KCNJ3: variants seen among roughly 807,000 people sequenced by gnomAD.
KCNJ3 encodes the protein potassium inwardly rectifying channel subfamily J member 3.
In KCNJ3, 4 loss-of-function variants were observed where a neutral mutation model predicts 39.2. That is an observed-to-expected ratio of 0.10 (90% CI 0.05 to 0.23). KCNJ3 has a LOEUF of 0.23. Among genes scored for constraint, KCNJ3 ranks in the 10% least tolerant of loss-of-function variants. The pLI is 1.00. For missense variants in KCNJ3, 276 were observed against 634.9 expected (o/e 0.43, Z 6.08); for synonymous variants, 230 against 237.4 (o/e 0.97, Z 0.29).
intron 2 of KCNJ3, among the ~76,000 whole-genome samples, chr2:154,754,606 T>C (rs1156306140): frequency 1.3e-5 from 2 of 152,202 alleles, no homozygotes; most frequent in African/African-American, 4.8e-5. Context: ...CTTCAATATA[T>C]GGCATAATAT....
chr2:154,781,995 C>A (rs1441405774), intron 2 of KCNJ3, among the ~76,000 whole-genome samples: 1 of 152,102 alleles, frequency 6.6e-6, no homozygotes, highest in East Asian at 1.9e-4. Context: ...ATAAATAATT[C>A]TTTGGACTTT....
At chr2:154,743,134 C>T (rs1218155896) in intron 2 of KCNJ3, among the ~76,000 whole-genome samples, 1 of 151,844 alleles carries the variant, frequency 6.6e-6, no homozygotes, top group Non-Finnish European at 1.5e-5. Flanking sequence ...TCCTTTCCCT[C>T]ATTAAATGGT....
intron 2 of KCNJ3, among the ~76,000 whole-genome samples, chr2:154,752,075 A>G (rs902287753): frequency 6.6e-6 from 1 of 152,070 alleles, no homozygotes; most frequent in Admixed American, 6.6e-5. Flanking sequence ...ATTAAAGGCA[A>G]TGTAACTTCC....
At chr2:154,797,010 G>A (rs377456119) in intron 2 of KCNJ3, among the ~76,000 whole-genome samples, 2 of 152,142 alleles carry the variant, frequency 1.3e-5, no homozygotes, top group African/African-American at 2.4e-5. Flanking sequence ...AATGTCTAGC[G>A]AAATGCTCAC....
intron 2 of KCNJ3, among the ~76,000 whole-genome samples, chr2:154,803,224 A>C (rs957529857): frequency 7.2e-5 from 11 of 152,026 alleles, no homozygotes; most frequent in African/African-American, 2.4e-4. Context: ...TGTAATACTC[A>C]AGAAGCCAAA....
intron 2 of KCNJ3, among the ~76,000 whole-genome samples, chr2:154,749,724 G>T (rs760286862): frequency 6.6e-6 from 1 of 151,996 alleles, no homozygotes. Context: ...TGAGGGAGTC[G>T]TAGTGAGTGC....
At chr2:154,707,244 G>A (rs975385326) in intron 1 of KCNJ3, among the ~76,000 whole-genome samples, 2 of 151,630 alleles carry the variant, frequency 1.3e-5, no homozygotes, top group Non-Finnish European at 2.9e-5. Context: ...TTTGAGGTGG[G>A]AGGGTGGGGT....
chr2:154,852,180 A>C (rs1257319726), intron 2 of KCNJ3, among the ~76,000 whole-genome samples: 1 of 152,216 alleles, frequency 6.6e-6, no homozygotes, highest in African/African-American at 2.4e-5. Context: ...TCTGCCTGAC[A>C]TCAATTTTCA....
chr2:154,848,129 G>A (rs924218342), intron 2 of KCNJ3, among the ~76,000 whole-genome samples: 1 of 152,026 alleles, frequency 6.6e-6, no homozygotes, highest in African/African-American at 2.4e-5. Context: ...ATATATATTT[G>A]TACAAATAAT....
intron 2 of KCNJ3, among the ~76,000 whole-genome samples, chr2:154,720,611 ACT>A (rs1685251069): frequency 6.6e-6 from 1 of 151,878 alleles, no homozygotes; most frequent in South Asian, 2.1e-4. Flanking sequence ...TGTAGTACCG[ACT>A]CTGTGCTATA....
intron 2 of KCNJ3, among the ~76,000 whole-genome samples, chr2:154,790,486 A>G (rs1201414105): frequency 6.6e-6 from 1 of 152,110 alleles, no homozygotes; most frequent in East Asian, 1.9e-4. Flanking sequence ...GAGGCTTCCC[A>G]AAAGAATGAC....
intron 2 of KCNJ3, among the ~76,000 whole-genome samples, chr2:154,853,157 A>T (rs1223351648): frequency 6.6e-6 from 1 of 151,662 alleles, no homozygotes; most frequent in East Asian, 1.9e-4. Context: ...AAAAAAAAAA[A>T]GAGGGAAGAA....
chr2:154,707,167 T>C (rs144972143), intron 1 of KCNJ3, among the ~76,000 whole-genome samples: 2 of 152,142 alleles, frequency 1.3e-5, no homozygotes, highest in African/African-American at 4.8e-5. Context: ...CTGAAAAATA[T>C]ATGAGCATTG....
intron 2 of KCNJ3, among the ~76,000 whole-genome samples, chr2:154,831,063 G>A (rs181543503): frequency 6.6e-6 from 1 of 152,168 alleles, no homozygotes; most frequent in Non-Finnish European, 1.5e-5. Flanking sequence ...TTTGGCCATT[G>A]TCTTTTACTA....
intron 2 of KCNJ3, among the ~76,000 whole-genome samples, chr2:154,781,419 G>A (rs767175782): frequency 7.2e-5 from 11 of 152,030 alleles, no homozygotes; most frequent in Non-Finnish European, 1.3e-4. Flanking sequence ...AGATGAATAC[G>A]AAATTATCCG....
chr2:154,724,640 A>G (rs976982420), intron 2 of KCNJ3, among the ~76,000 whole-genome samples: 1 of 151,794 alleles, frequency 6.6e-6, no homozygotes, highest in African/African-American at 2.4e-5. Flanking sequence ...ATTATGTACT[A>G]TAGGAATGGT....
chr2:154,830,374 G>A (rs1687342344), intron 2 of KCNJ3, among the ~76,000 whole-genome samples: 1 of 152,072 alleles, frequency 6.6e-6, no homozygotes, highest in Non-Finnish European at 1.5e-5. Context: ...CTATATTCCA[G>A]CAGATTCTTG....
chr2:154,719,117 T>C (rs1001308733), intron 2 of KCNJ3, among the ~76,000 whole-genome samples: 5 of 152,136 alleles, frequency 3.3e-5, no homozygotes, highest in African/African-American at 1.2e-4. Flanking sequence ...AATGCTGACT[T>C]GTGTGCCCTC....
chr2:154,712,522 T>C (rs1685115158), intron 2 of KCNJ3, among the ~76,000 whole-genome samples: 1 of 152,206 alleles, frequency 6.6e-6, no homozygotes, highest in Non-Finnish European at 1.5e-5. Context: ...CACTCATGTA[T>C]TAGATAAGTA....
Sources: gnomAD v4.1 joint callset for allele counts (sites outside exome capture counted in the v4.1 genomes callset) on GRCh38, gnomAD v4.1.1 for gene constraint, MANE v1.5 for transcripts, NCBI Gene and HGNC (gene_info 2026-07-23, HGNC 2026-07-21) for gene names.